Variants in VSIG1 observed in about 807,000 individuals in gnomAD.
VSIG1 encodes the protein V-set and immunoglobulin domain-containing protein 1.
In VSIG1, 11 loss-of-function variants were observed where a neutral mutation model predicts 20.1. That is an observed-to-expected ratio of 0.55 (90% confidence interval 0.34 to 0.91). The LOEUF is 0.91. VSIG1 is among the 40% of genes least tolerant of loss of function. The pLI is 0.02. For synonymous variants in VSIG1, 126 were observed against 116.7 expected, an observed-to-expected ratio of 1.08 and a Z score of -0.52; for missense variants, 283 against 298.8, an observed-to-expected ratio of 0.95 and a Z score of 0.39.
At chrX:108,039,089 G>A in the VSIG1 span, among the ~76,000 whole-genome samples, 1 of 111,418 alleles carries the variant, frequency 9.0e-6, no homozygotes, top group Non-Finnish European at 1.9e-5. Context: ...AAATTTAGGG[G>A]CTTATAATTG....
intron 1 of VSIG1, among the ~76,000 whole-genome samples, chrX:108,054,174 C>T (rs1203477874): frequency 1.8e-5 from 2 of 111,761 alleles, no homozygotes; most frequent in Non-Finnish European, 3.8e-5. Context: ...AAGAGATAAA[C>T]AGAGACATTA....
chrX:108,022,049 C>T, the VSIG1 span, among the ~76,000 whole-genome samples: 157 of 111,016 alleles, frequency 1.4e-3, no homozygotes, highest in Non-Finnish European at 1.7e-3. Context: ...CTTGTATTTC[C>T]GTATGAATTT....
chrX:108,028,528 A>T, the VSIG1 span, among the ~76,000 whole-genome samples: 1 of 111,355 alleles, frequency 9.0e-6, no homozygotes, highest in South Asian at 3.8e-4. Context: ...AGAAGCTGAG[A>T]GAAGTGTGAG....
chrX:108,071,469 A>G (rs2031241161), intron 3 of VSIG1, among the ~76,000 whole-genome samples: 1 of 111,787 alleles, frequency 8.9e-6, no homozygotes. Flanking sequence ...CGTGCAAGTA[A>G]GTAAGATGAA....
At chrX:108,056,770 T>G (rs1466942623) in intron 1 of VSIG1, among the ~76,000 whole-genome samples, 1 of 112,472 alleles carries the variant, frequency 8.9e-6, no homozygotes, top group Non-Finnish European at 1.9e-5. Flanking sequence ...CGGAATCCTT[T>G]TATTTGGTGG....
At chrX:108,047,925 T>TATATACAC (rs2030661198) in intron 1 of VSIG1, among the ~76,000 whole-genome samples, 1 of 64,767 alleles carries the variant, frequency 1.5e-5, no homozygotes, top group African/African-American at 7.4e-5. Context: ...TATACACATA[T>TATATACAC]ATATATATAC....
chrX:108,047,302 T>A (rs1276323893), intron 1 of VSIG1, among the ~76,000 whole-genome samples: 5 of 112,262 alleles, frequency 4.5e-5, no homozygotes, highest in African/African-American at 6.5e-5. Context: ...CAGATTTTGC[T>A]TAAATCAAAA....
At chrX:108,054,786 T>C (rs1236230043) in intron 1 of VSIG1, among the ~76,000 whole-genome samples, 3 of 109,534 alleles carry the variant, frequency 2.7e-5, no homozygotes, top group Non-Finnish European at 3.8e-5. Context: ...AAACACAACA[T>C]ATTGAAATAT....
chrX:108,047,831 C>T lies in VSIG1; in HGVS notation c.49+2652C>T, dbSNP rs809393. 2.3e-3 allele frequency among the ~76,000 whole-genome samples: 74 copies of T among 32,517 alleles called. 3 individuals carry two copies. The highest frequency in any genetic ancestry group is 0.011 in the African/African-American group (69 of 6,434). The allele number at this position is 32,517 out of a possible 115,157, so 28.2% of individuals were successfully genotyped here. ...ATACATATATATATACATATATATA[C>T]ACATATATATATACATATATATATA... On this transcript the variant is annotated intron_variant, in intron 1 of 6. Transcript: ENST00000217957.
chrX:108,049,556 G>A (rs1338036161), intron 1 of VSIG1, among the ~76,000 whole-genome samples: 1 of 111,927 alleles, frequency 8.9e-6, no homozygotes. Context: ...GGTCTTCAAA[G>A]GGGGTTTGTG....
In VSIG1 at chrX:108,066,997, G is replaced by C. The variant is rs1206215228; in HGVS notation, c.275G>C (p.Gly92Ala). The part of the protein sequence containing the change: ...AIGQFKDRIT[G>A]SNDPGNASIT... ...GGGCAATTTAAAGATCGAATTACAGGGTCCAACGATCCAGGTAATGCATCT... is the reference window on the plus strand; with the variant it reads ...GGGCAATTTAAAGATCGAATTACAGCGTCCAACGATCCAGGTAATGCATCT... The change falls in exon 3 of 7, where the codon GGG (glycine) becomes GCG (alanine). Residue 92 changes from glycine (G) to alanine (A), a missense_variant. Transcript: ENST00000217957. 3 of 1,209,198 alleles carry C rather than the reference G, an allele frequency of 2.5e-6. No homozygotes were observed. The highest frequency in any genetic ancestry group is 4.4e-5 in the Admixed American group (2 of 45,672).
intron 1 of VSIG1, among the ~76,000 whole-genome samples, chrX:108,047,971 T>TATATATATATATATATATATACAC (rs2030688393): frequency 1.7e-5 from 1 of 57,729 alleles, no homozygotes; most frequent in East Asian, 5.6e-4. Context: ...CATATATATA[T>TATATATATATATATATATATACAC]ATATATATAT....
intron 2 of VSIG1, among the ~76,000 whole-genome samples, chrX:108,059,155 G>A (rs2030972019): frequency 9.0e-6 from 1 of 111,589 alleles, no homozygotes. Flanking sequence ...CAGCTGAATT[G>A]GGCCTTGAAG....
At chrX:108,026,146 T>C in the VSIG1 span, among the ~76,000 whole-genome samples, 1 of 112,146 alleles carries the variant, frequency 8.9e-6, no homozygotes, top group African/African-American at 3.2e-5. Flanking sequence ...TCAGAGAGAC[T>C]GGAGAGACCA....
At chrX:108,064,524 T>G (rs1347999532) in intron 2 of VSIG1, among the ~76,000 whole-genome samples, 4 of 111,843 alleles carry the variant, frequency 3.6e-5, no homozygotes, top group Non-Finnish European at 7.5e-5. Flanking sequence ...CTTTTACTTC[T>G]TCTCATATCC....
the VSIG1 span, among the ~76,000 whole-genome samples, chrX:108,038,420 G>A: frequency 1.8e-5 from 2 of 111,691 alleles, no homozygotes. Flanking sequence ...TCCCTGCAAA[G>A]GACATGATCT....
intron 3 of VSIG1, among the ~76,000 whole-genome samples, chrX:108,068,462 C>A: frequency 9.0e-6 from 1 of 111,594 alleles, no homozygotes; most frequent in Non-Finnish European, 1.9e-5. Flanking sequence ...CACGGTTCTG[C>A]AGGCTGTACA....
At chrX:108,066,497 C>T (rs1202262417) in intron 2 of VSIG1, among the ~76,000 whole-genome samples, 1 of 110,896 alleles carries the variant, frequency 9.0e-6, no homozygotes, top group Non-Finnish European at 1.9e-5. Context: ...GATAGTCTCA[C>T]TGGGTAAGGT....
Position 108,078,090 on chromosome X carries a change from CTCAT to C in VSIG1, c.*715_*718del, listed in dbSNP as rs935831645. On this transcript the variant is annotated 3_prime_UTR_variant, in exon 7 of 7. Coordinates refer to ENST00000217957, the MANE Select transcript of VSIG1 (RefSeq NM_182607.5). ...TCAATATTATTTCTAGGAATAGTTC[CTCAT>C]TCATTTTTATATTGACCACTAAGAA... The C allele has an allele frequency of 3.6e-5, 4 of 112,071 alleles. No individual in the cohort carries two copies. Among genetic ancestry groups the C allele is most frequent in the African/African-American group, 1.3e-4 (4 of 30,765 alleles). The allele number at this position is 112,071 out of a possible 1,213,427, so 9.2% of individuals were successfully genotyped here. A position where few individuals can be genotyped will look rare whatever the true frequency, so the allele number is the denominator to read the frequency against.
Sources: gnomAD v4.1 joint callset for allele counts (sites outside exome capture counted in the v4.1 genomes callset) on GRCh38, gnomAD v4.1.1 for gene constraint, MANE v1.5 for transcripts, NCBI Gene and HGNC (gene_info 2026-07-23, HGNC 2026-07-21) for gene names.